Variants in MEGF11 observed in about 807,000 individuals in gnomAD.
The protein encoded by MEGF11 is multiple epidermal growth factor-like domains protein 11.
In MEGF11, 126 loss-of-function variants were observed where a neutral mutation model predicts 146.6. The ratio of observed to expected loss-of-function variants is 0.86; its 90% CI spans 0.74 to 1.00. The LOEUF (loss-of-function observed/expected upper bound fraction) is 1.00, where lower values mean the gene tolerates loss of function less well. MEGF11 is among the 50% of genes least tolerant of loss of function. MEGF11 has a pLI of 0.00. For synonymous variants in MEGF11, 532 were observed against 583.4 expected (o/e 0.91, Z 1.27); for missense variants, 1,509 against 1,521.2 (o/e 0.99, Z 0.13).
intron 25 of MEGF11, 48 bp from the exon 26 acceptor site, chr15:65,898,142 T>G (rs771553393): frequency 1.9e-6 from 3 of 1,562,170 alleles, no homozygotes; most frequent in Non-Finnish European, 1.7e-6. Context: ...TTAGCTTTGG[T>G]TGCCTTGTTG....
At chr15:66,130,551 T>G (rs1306889340) in intron 1 of MEGF11, among the ~76,000 whole-genome samples, 5 of 151,512 alleles carry the variant, frequency 3.3e-5, no homozygotes, top group Non-Finnish European at 7.4e-5. Context: ...AGAGGTAACT[T>G]GGATCATTGC....
At chr15:66,064,305 G>A (rs927117138) in intron 5 of MEGF11, among the ~76,000 whole-genome samples, 7 of 151,982 alleles carry the variant, frequency 4.6e-5, no homozygotes, top group African/African-American at 1.4e-4. Flanking sequence ...GGAGGTGGAG[G>A]TTACAGTGAG....
chr15:66,071,177 G>C (rs912776159), intron 5 of MEGF11, among the ~76,000 whole-genome samples: 2 of 149,228 alleles, frequency 1.3e-5, no homozygotes, highest in Non-Finnish European at 2.9e-5. Flanking sequence ...CTCCTGCCCC[G>C]TACACAGGTA....
At chr15:66,081,096 TCAGCAGGAGCTCC>T (rs1445089531) in intron 5 of MEGF11, among the ~76,000 whole-genome samples, 1 of 152,148 alleles carries the variant, frequency 6.6e-6, no homozygotes, top group East Asian at 1.9e-4. Context: ...AGCATAGGGC[TCAGCAGGAGCTCC>T]CACCTGGAGG....
At chr15:66,062,123 G>T (rs1370960914) in intron 5 of MEGF11, among the ~76,000 whole-genome samples, 1 of 152,188 alleles carries the variant, frequency 6.6e-6, no homozygotes, top group Non-Finnish European at 1.5e-5. Context: ...TCTGATATAT[G>T]AGCAATCAAA....
At chr15:66,251,265 C>A (rs538527725) in intron 1 of MEGF11, among the ~76,000 whole-genome samples, 9 of 152,234 alleles carry the variant, frequency 5.9e-5, no homozygotes, top group Non-Finnish European at 1.2e-4. Flanking sequence ...CCTGACAACC[C>A]TCCTTCCCCA....
chr15:66,042,352 TGCCCACTTCG>T (rs930193362), intron 5 of MEGF11, among the ~76,000 whole-genome samples: 7 of 152,074 alleles, frequency 4.6e-5, no homozygotes, highest in Non-Finnish European at 1.0e-4. Flanking sequence ...TCAAGTGATC[TGCCCACTTCG>T]GCCTCCCAAA....
chr15:66,097,752 C>CCAAA (rs2086615088), intron 4 of MEGF11, among the ~76,000 whole-genome samples: 1 of 138,970 alleles, frequency 7.2e-6, no homozygotes, highest in Admixed American at 7.2e-5. Context: ...CAAAAAACTA[C>CCAAA]AAAAAAAAAA....
intron 5 of MEGF11, among the ~76,000 whole-genome samples, chr15:65,992,453 G>C (rs867634992): frequency 4.2e-5 from 6 of 142,892 alleles, no homozygotes; most frequent in African/African-American, 1.6e-4. Flanking sequence ...GTGTGTGTGG[G>C]GGGGGGGGTT....
At chr15:66,019,986 C>T (rs1179339200) in intron 5 of MEGF11, among the ~76,000 whole-genome samples, 2 of 152,140 alleles carry the variant, frequency 1.3e-5, no homozygotes, top group South Asian at 2.1e-4. Flanking sequence ...GGTAAGCACA[C>T]GGAGGTGGGG....
intron 1 of MEGF11, among the ~76,000 whole-genome samples, chr15:66,244,663 A>T (rs2092268545): frequency 6.6e-6 from 1 of 152,318 alleles, no homozygotes; most frequent in East Asian, 1.9e-4. Flanking sequence ...CCGACTTCAC[A>T]GGGTGGTTAC....
At chr15:66,149,061 G>T (rs1452249022) in intron 1 of MEGF11, among the ~76,000 whole-genome samples, 1 of 152,176 alleles carries the variant, frequency 6.6e-6, no homozygotes, top group Non-Finnish European at 1.5e-5. Flanking sequence ...GTCTGCGCCC[G>T]GCAGGAGCAC....
intron 7 of MEGF11, among the ~76,000 whole-genome samples, chr15:65,973,782 GAA>G (rs2081368312): frequency 1.3e-5 from 2 of 152,194 alleles, no homozygotes; most frequent in Admixed American, 1.3e-4. Flanking sequence ...GTCTAAGATG[GAA>G]AAGTCAAGAA....
chr15:66,150,132 G>T (rs960528923), intron 1 of MEGF11, among the ~76,000 whole-genome samples: 1 of 152,222 alleles, frequency 6.6e-6, no homozygotes, highest in Non-Finnish European at 1.5e-5. Flanking sequence ...TGGCTCTGGG[G>T]AGACAAAGCT....
rs373325764 is a variant in MEGF11, at chr15:65,916,931, G to A, written c.2112C>T (p.Pro704=). 31 of 1,540,484 alleles carry A rather than the reference G, an allele frequency of 2.0e-5. No individual in the cohort carries two copies. In the African/African-American group the frequency reaches 2.3e-4, roughly 12 times the overall value. ...GGCAGCTGCATGCGTGGAAGCAGGCGGGGCCCCAGAACCCGGGTGGGCAAG... is the reference window on the plus strand; with the variant it reads ...GGCAGCTGCATGCGTGGAAGCAGGCAGGGCCCCAGAACCCGGGTGGGCAAG... The part of the protein sequence containing the change: ...SQACPPGFWG[P]ACFHACSCHN... Residue 704 remains proline (P), a synonymous_variant, in exon 17 of 26, where the codon CCC becomes CCT. Coordinates refer to ENST00000395614, the MANE Select transcript of MEGF11 (RefSeq NM_001385028.1).
chr15:65,901,736 C>T (rs1375476949), intron 24 of MEGF11: 1 of 152,028 alleles, frequency 6.6e-6, no homozygotes, highest in African/African-American at 2.4e-5. Context: ...GCCTCAACTG[C>T]ATATTTTCTA....
At chr15:66,037,710 G>A (rs2083780123) in intron 5 of MEGF11, among the ~76,000 whole-genome samples, 1 of 152,242 alleles carries the variant, frequency 6.6e-6, no homozygotes, top group South Asian at 2.1e-4. Flanking sequence ...GCCCTCGGCA[G>A]GCAGGAGTTT....
In MEGF11 at chr15:65,898,536, G is replaced by T. The variant is rs1470502602; in HGVS notation, c.3262+192C>A. 3 of 985,142 alleles carry T rather than the reference G, an allele frequency of 3.0e-6. No homozygotes were observed. The Admixed American group carries it at 1.8e-4, about 61-fold the overall frequency. 61.0% of individuals were successfully genotyped at this position (985,142 alleles called of 1,614,324 possible). ...TCCTGGTGTTTTTTAAAGCAGAGTTGGTACAATAATTTGACTTCCTGCATT... is the reference window on the plus strand; with the variant it reads ...TCCTGGTGTTTTTTAAAGCAGAGTTTGTACAATAATTTGACTTCCTGCATT... On this transcript the variant is annotated intron_variant, in intron 25 of 25. Transcript: ENST00000395614.
At chr15:65,955,369 A>G (rs1196060096) in intron 10 of MEGF11, among the ~76,000 whole-genome samples, 1 of 150,968 alleles carries the variant, frequency 6.6e-6, no homozygotes, top group African/African-American at 2.4e-5. Flanking sequence ...TTTTATCTGC[A>G]CTGGGGAGGA....
Sources: allele counts gnomAD v4.1 joint callset (sites outside exome capture counted in the v4.1 genomes callset), GRCh38; gene constraint gnomAD v4.1.1; transcripts MANE v1.5; gene names NCBI Gene and HGNC (gene_info 2026-07-23, HGNC 2026-07-21).